The following PCLO variants were observed in gnomAD, a reference collection of about 807,000 sequenced individuals.
PCLO encodes protein piccolo.
In PCLO, 82 loss-of-function variants were observed where a neutral mutation model predicts 427.5. The ratio of observed to expected loss-of-function variants is 0.19; its 90% CI spans 0.16 to 0.23. PCLO has a LOEUF of 0.23. Among genes scored for constraint, PCLO ranks in the 10% least tolerant of loss-of-function variants. The pLI is 1.00. For synonymous variants in PCLO, 2,357 were observed against 2,155.4 expected, an observed-to-expected ratio of 1.09 and a Z score of -2.59; for missense variants, 6,239 against 6,115.9, an observed-to-expected ratio of 1.02 and a Z score of -0.67.
At chr7:82,984,497 C>A (rs73710105) in intron 3 of PCLO, among the ~76,000 whole-genome samples, 1 of 149,894 alleles carries the variant, frequency 6.7e-6, no homozygotes, top group Non-Finnish European at 1.5e-5. Flanking sequence ...ATAAGCATTG[C>A]GGTCAAGGGC....
chr7:82,927,481 G>C (rs982964340), intron 6 of PCLO, among the ~76,000 whole-genome samples: 12 of 152,110 alleles, frequency 7.9e-5, no homozygotes, highest in African/African-American at 2.9e-4. Flanking sequence ...TAGCTTTCTA[G>C]AGAGTGCCCT....
chr7:82,914,364 T>C, intron 7 of PCLO: 1 of 469,636 alleles, frequency 2.1e-6, no homozygotes, highest in Non-Finnish European at 3.7e-6. Flanking sequence ...GAAAAACTTT[T>C]CAACTATGGA....
At chr7:82,916,908 A>T (rs772707556) in intron 6 of PCLO, 35 bp from the exon 7 acceptor site, 1 of 1,392,972 alleles carries the variant, frequency 7.2e-7, no homozygotes, top group African/African-American at 1.4e-5. Flanking sequence ...GTACTTTAGT[A>T]TAAAGAAAAA....
Position 82,956,529 on chromosome 7 carries a change from C to A in PCLO, c.4424G>T (p.Arg1475Met). 1 of 1,612,484 alleles carries A rather than the reference C, an allele frequency of 6.2e-7. No individual in the cohort carries two copies. The highest frequency in any genetic ancestry group is 8.5e-7 in the Non-Finnish European group (1 of 1,179,590). ...EEEIKESQEE[R>M]KDTFKKDSQQ... ...GCTATCTTTTTTAAAAGTGTCTTTCCTTTCTTCTTGACTCTCTTTGATCTC... is the reference window on the plus strand; with the variant it reads ...GCTATCTTTTTTAAAAGTGTCTTTCATTTCTTCTTGACTCTCTTTGATCTC... Residue 1475 changes from arginine (R) to methionine (M), a missense_variant, in exon 5 of 25, where the codon AGG becomes ATG. Physicochemically the swap from Arg to Met is moderately conservative, Grantham distance 91 (BLOSUM62 -1). Around this residue, in one of 5 missense-constraint regions of PCLO, gnomAD observed 4,677 missense variants for 4,468.4 expected, o/e 1.05. Transcript: ENST00000333891.
At chr7:82,775,805 T>C (rs182664328) in intron 22 of PCLO, among the ~76,000 whole-genome samples, 1 of 152,326 alleles carries the variant, frequency 6.6e-6, no homozygotes, top group East Asian at 1.9e-4. Context: ...TCTCCTATGT[T>C]ATTTTCTATG....
chr7:83,031,617 G>C, intron 3 of PCLO, among the ~76,000 whole-genome samples: 1 of 152,072 alleles, frequency 6.6e-6, no homozygotes, highest in East Asian at 1.9e-4. Context: ...TTCAGAATCA[G>C]ATTCTAAGTG....
intron 3 of PCLO, among the ~76,000 whole-genome samples, chr7:83,106,591 G>T (rs1584032544): frequency 6.6e-6 from 1 of 152,066 alleles, no homozygotes; most frequent in African/African-American, 2.4e-5. Flanking sequence ...TGTGAGAGCA[G>T]ATGTCATGCC....
At chr7:83,152,028 G>GCT (rs1792145268) in intron 2 of PCLO, among the ~76,000 whole-genome samples, 1 of 151,520 alleles carries the variant, frequency 6.6e-6, no homozygotes, top group African/African-American at 2.4e-5. Context: ...GCAGTGGCGT[G>GCT]ATCTTGGCTC....
chr7:83,088,573 T>TC (rs1790296878), intron 3 of PCLO, among the ~76,000 whole-genome samples: 1 of 152,146 alleles, frequency 6.6e-6, no homozygotes, highest in Non-Finnish European at 1.5e-5. Flanking sequence ...GTGGGTTGAC[T>TC]CCACTAGTAT....
intron 2 of PCLO, among the ~76,000 whole-genome samples, chr7:83,146,947 A>C (rs1442510073): frequency 6.6e-6 from 1 of 152,006 alleles, no homozygotes; most frequent in Non-Finnish European, 1.5e-5. Context: ...ACAGCAGAAC[A>C]TCTGTTCCTA....
At chr7:82,783,246 T>C (rs1433207648) in intron 22 of PCLO, among the ~76,000 whole-genome samples, 1 of 152,250 alleles carries the variant, frequency 6.6e-6, no homozygotes, top group African/African-American at 2.4e-5. Context: ...TTGAGTTTGT[T>C]TGTGTAGTTT....
At chr7:83,114,996 G>A (rs914247450) in intron 3 of PCLO, among the ~76,000 whole-genome samples, 5 of 151,916 alleles carry the variant, frequency 3.3e-5, no homozygotes, top group Non-Finnish European at 5.9e-5. Flanking sequence ...TTTTAAAGTG[G>A]AGAATGGTTA....
chr7:83,038,081 ATATC>A (rs1788871986), intron 3 of PCLO, among the ~76,000 whole-genome samples: 4 of 78,510 alleles, frequency 5.1e-5, no homozygotes, highest in African/African-American at 1.9e-4. Context: ...ATTTATATAT[ATATC>A]TTTATATATA....
chr7:83,073,605 A>G (rs960847128), intron 3 of PCLO, among the ~76,000 whole-genome samples: 1 of 151,966 alleles, frequency 6.6e-6, no homozygotes, highest in Non-Finnish European at 1.5e-5. Flanking sequence ...CCCTCTATTT[A>G]TCTTGTTACT....
chr7:83,045,681 C>T (rs1192187666), intron 3 of PCLO, among the ~76,000 whole-genome samples: 3 of 151,944 alleles, frequency 2.0e-5, no homozygotes, highest in South Asian at 2.1e-4. Flanking sequence ...TTTCCTCCTC[C>T]GTAGCACATA....
rs752585313 is a variant in PCLO, at chr7:83,134,882, G to C, written c.2668C>G (p.Pro890Ala). The C allele has an allele frequency of 1.9e-6, 3 of 1,604,374 alleles. No individual in the cohort carries two copies. The highest frequency in any genetic ancestry group is 1.3e-5 in the African/African-American group (1 of 74,662). Residue 890 changes from proline (P) to alanine (A), a missense_variant, in exon 3 of 25, where the codon CCC (proline) becomes GCC (alanine). By Grantham distance (27) the Pro-to-Ala change is conservative (BLOSUM62 -1). Transcript: ENST00000333891. ...GPRPTAGQTV[P>A]TPQQSPKPQE... is the part of the protein sequence containing the mutation. ...GGCTTTGGGGACTGTTGAGGTGTGG[G>C]GACAGTTTGGCCAGCGGTAGGTCGT...
intron 3 of PCLO, among the ~76,000 whole-genome samples, chr7:83,081,581 C>A (rs1295440135): frequency 1.3e-5 from 2 of 151,696 alleles, no homozygotes; most frequent in Non-Finnish European, 3.0e-5. Context: ...GAAATAGATC[C>A]AACTGTATAC....
At chr7:82,927,770 G>A (rs1794747187) in intron 6 of PCLO, among the ~76,000 whole-genome samples, 1 of 152,032 alleles carries the variant, frequency 6.6e-6, no homozygotes, top group Admixed American at 6.6e-5. Flanking sequence ...CACTTATATT[G>A]CATTCCCTAC....
At chr7:82,861,378 A>G (rs2115914110) in intron 10 of PCLO, among the ~76,000 whole-genome samples, 1 of 152,212 alleles carries the variant, frequency 6.6e-6, no homozygotes, top group Middle Eastern at 3.4e-3. Flanking sequence ...AGATTCCAAG[A>G]CAAAAGCTAT....
Sources: gnomAD v4.1 joint callset for allele counts (sites outside exome capture counted in the v4.1 genomes callset) on GRCh38, gnomAD v4.1.1 for gene constraint, gnomAD v4.1.1 regional missense constraint, MANE v1.5 for transcripts, NCBI Gene and HGNC (gene_info 2026-07-23, HGNC 2026-07-21) for gene names.